Variants in SMARCAD1 observed in about 807,000 individuals in gnomAD.
SMARCAD1 encodes the protein SWI/SNF-related matrix-associated actin-dependent regulator of chromatin subfamily A containing DEAD/H box 1.
Under a neutral mutation model 127.1 loss-of-function variants are expected in SMARCAD1, and 25 were observed. That is an observed-to-expected ratio of 0.20 (90% CI 0.14 to 0.27). SMARCAD1 has a LOEUF of 0.27. Among genes scored for constraint, SMARCAD1 ranks in the 10% least tolerant of loss-of-function variants. The pLI is 1.00. For missense variants in SMARCAD1, 807 were observed against 1,206.0 expected (o/e 0.67, Z 4.90); for synonymous variants, 400 against 396.9 (o/e 1.01, Z -0.09).
intron 2 of SMARCAD1, among the ~76,000 whole-genome samples, chr4:94,222,767 A>T (rs1744347649): frequency 6.6e-6 from 1 of 152,056 alleles, no homozygotes; most frequent in African/African-American, 2.4e-5. Context: ...GTTCAACACC[A>T]GCCTGGCAAA....
rs533688487 is a variant in SMARCAD1, at chr4:94,272,559, G to A, written c.1573-1058G>A. On this transcript the variant is annotated intron_variant, in intron 11 of 23. Coordinates refer to ENST00000354268, the MANE Select transcript of SMARCAD1 (RefSeq NM_020159.5). ...CACTATTCTTATACCTATCCTCGTG[G>A]ATTTTTTTCTGGTTATGTAGTATAT... Among the ~76,000 whole-genome samples the A allele has an allele frequency of 9.9e-5, 15 of 151,972 alleles. No homozygotes were observed. The South Asian group carries it at 2.9e-3, about 29-fold the overall frequency.
intron 19 of SMARCAD1, 96 bp from the exon 20 acceptor site, chr4:94,280,496 A>T: frequency 1.9e-6 from 2 of 1,068,976 alleles, no homozygotes; most frequent in Admixed American, 4.0e-5. Context: ...TATGATTTAG[A>T]TATTTTATCA....
chr4:94,261,650 T>C lies in SMARCAD1; in HGVS notation c.1282-3057T>C, dbSNP rs114433804. 2.9e-3 allele frequency among the ~76,000 whole-genome samples: 440 copies of C among 152,326 alleles called. 2 individuals carry two copies. The highest frequency in any genetic ancestry group is 4.6e-3 in the Admixed American group (71 of 15,302). ...GTTTTTGAGACGGGGTCTCACTCTA[T>C]CACCCAGGCTGGAATGCAGTGGCGT... On this transcript the variant is annotated intron_variant, in intron 9 of 23. Coordinates refer to ENST00000354268, the MANE Select transcript of SMARCAD1 (RefSeq NM_020159.5).
chr4:94,233,460 A>G (rs1044204113), intron 3 of SMARCAD1, among the ~76,000 whole-genome samples: 4 of 152,154 alleles, frequency 2.6e-5, no homozygotes, highest in Non-Finnish European at 4.4e-5. Flanking sequence ...TGCTGAGGAA[A>G]TGTTTTGTTT....
chr4:94,272,016 A>G (rs981462121), intron 11 of SMARCAD1, among the ~76,000 whole-genome samples: 2 of 152,222 alleles, frequency 1.3e-5, no homozygotes, highest in African/African-American at 4.8e-5. Context: ...GTTCTTCACA[A>G]TTCTGGAGGT....
At chr4:94,285,395 G>A (rs1392888117) in intron 23 of SMARCAD1, among the ~76,000 whole-genome samples, 1 of 152,096 alleles carries the variant, frequency 6.6e-6, no homozygotes, top group Admixed American at 6.5e-5. Context: ...GTTTTTGTGT[G>A]TGTGTGACCA....
intron 5 of SMARCAD1, among the ~76,000 whole-genome samples, chr4:94,239,562 G>GTTTTTTTTTTTTTTTT (rs5860361): frequency 1.4e-5 from 2 of 142,816 alleles, no homozygotes; most frequent in Non-Finnish European, 3.0e-5. Context: ...GCCCTGTTGT[G>GTTTTTTTTTTTTTTTT]TTTTTTTTTT....
At chr4:94,226,979 C>T (rs1745123659) in intron 3 of SMARCAD1, among the ~76,000 whole-genome samples, 1 of 151,830 alleles carries the variant, frequency 6.6e-6, no homozygotes, top group South Asian at 2.1e-4. Context: ...GCTGGGATTA[C>T]AGGCGTTAGA....
At chr4:94,241,817 T>C (rs571409217) in intron 6 of SMARCAD1, among the ~76,000 whole-genome samples, 3 of 152,230 alleles carry the variant, frequency 2.0e-5, no homozygotes, top group South Asian at 2.1e-4. Context: ...CCTTGTTGAC[T>C]TGCATGCACA....
At chr4:94,229,819 ATTTG>A (rs1745562208) in intron 3 of SMARCAD1, among the ~76,000 whole-genome samples, 1 of 149,676 alleles carries the variant, frequency 6.7e-6, no homozygotes, top group Non-Finnish European at 1.5e-5. Flanking sequence ...TTTTTTAATC[ATTTG>A]TTTACAGTGA....
intron 5 of SMARCAD1, among the ~76,000 whole-genome samples, chr4:94,239,210 A>T (rs889289879): frequency 6.6e-5 from 10 of 152,188 alleles, no homozygotes; most frequent in South Asian, 6.2e-4. Context: ...AACCTTGAAG[A>T]TAAGGTTAAT....
At chr4:94,274,991 A>G (rs1164989682) in intron 14 of SMARCAD1, 26 bp downstream of exon 14, 2 of 1,473,858 alleles carry the variant, frequency 1.4e-6, no homozygotes, top group African/African-American at 2.8e-5. Context: ...TTTGGGGAGG[A>G]TGGATATTTA....
intron 9 of SMARCAD1, among the ~76,000 whole-genome samples, chr4:94,258,219 A>C (rs530819657): frequency 6.6e-6 from 1 of 150,490 alleles, no homozygotes. Context: ...CAGTGATGCG[A>C]TCTCAGCTCA....
chr4:94,260,300 T>C (rs1273174389), intron 9 of SMARCAD1, among the ~76,000 whole-genome samples: 1 of 152,220 alleles, frequency 6.6e-6, no homozygotes, highest in African/African-American at 2.4e-5. Flanking sequence ...GCTACATGTC[T>C]GGATCCATAA....
At position 94,208,452 on chromosome 4, in the gene SMARCAD1, G is replaced by A. The variant is rs1741616011; in HGVS notation, c.58G>A (p.Ala20Thr). The A allele has an allele frequency of 1.2e-6, 2 of 1,613,978 alleles. No individual in the cohort carries two copies. Among genetic ancestry groups the A allele is most frequent in the African/African-American group, 2.7e-5 (2 of 74,880 alleles). Residue 20 changes from alanine (A) to threonine (T), a missense_variant, in exon 2 of 24, where the codon GCG (alanine) becomes ACG (threonine). By Grantham distance (58) the Ala-to-Thr change is moderately conservative. Around this residue, in one of 8 missense-constraint regions of SMARCAD1, gnomAD observed 175 missense variants for 169.5 expected, o/e 1.03. Transcript: ENST00000354268. ...RFEKRNKIEEAPEATPQPSQP... is the reference protein window; with the variant it reads ...RFEKRNKIEETPEATPQPSQP... The stretch of plus-strand genomic sequence containing the variant: ...TGAGAAAAGGAATAAGATTGAGGAA[G>A]CGCCCGAAGCAACCCCTCAACCTTC...
At chr4:94,214,268 T>C (rs1484211385) in intron 2 of SMARCAD1, among the ~76,000 whole-genome samples, 1 of 41,492 alleles carries the variant, frequency 2.4e-5, no homozygotes, top group Admixed American at 3.4e-4. Context: ...TTCTTTTGTT[T>C]TTTTTTTTTT....
chr4:94,281,442 T>C, intron 20 of SMARCAD1, 30 bp from the exon 21 acceptor site: 1 of 1,462,780 alleles, frequency 6.8e-7, no homozygotes, highest in Non-Finnish European at 9.6e-7. Context: ...CGATTTTTTC[T>C]ATTTCTAATT....
intron 2 of SMARCAD1, among the ~76,000 whole-genome samples, chr4:94,218,793 A>C (rs1743620013): frequency 6.6e-6 from 1 of 152,074 alleles, no homozygotes; most frequent in Non-Finnish European, 1.5e-5. Flanking sequence ...TTAAGACTAC[A>C]GATTTTATAG....
chr4:94,269,891 G>A lies in SMARCAD1; in HGVS notation c.1482-837G>A, dbSNP rs115626685. On this transcript the variant is annotated intron_variant, in intron 10 of 23. Coordinates refer to ENST00000354268, the MANE Select transcript of SMARCAD1 (RefSeq NM_020159.5). ...TTTGTCAATGTTGCCCAGGCTGGTC[G>A]CGAACTCCTGAGCTCAAGCAATCTG... 9.1e-3 allele frequency among the ~76,000 whole-genome samples: 1,388 copies of A among 151,808 alleles called. 24 individuals carry two copies. Among genetic ancestry groups the A allele is most frequent in the African/African-American group, 0.031 (1,287 of 41,418 alleles).
Sources: allele counts gnomAD v4.1 joint callset (sites outside exome capture counted in the v4.1 genomes callset), GRCh38; gene constraint gnomAD v4.1.1; regional missense constraint gnomAD v4.1.1; transcripts MANE v1.5; gene names NCBI Gene and HGNC (gene_info 2026-07-23, HGNC 2026-07-21).